GRIK1: variants seen among roughly 807,000 people sequenced by gnomAD.
GRIK1 encodes glutamate receptor ionotropic, kainate 1.
A neutral mutation model predicts 105.7 loss-of-function variants in GRIK1; 69 were observed. That is an observed-to-expected ratio of 0.65 (90% CI 0.54 to 0.80). GRIK1 has a LOEUF of 0.80. Ranked by LOEUF, GRIK1 falls within the 30% of genes least tolerant of loss-of-function variation. GRIK1 has a pLI of 0.00. For synonymous variants in GRIK1, 438 were observed against 431.3 expected, an observed-to-expected ratio of 1.02 and a Z score of -0.19; for missense variants, 1,109 against 1,167.3, an observed-to-expected ratio of 0.95 and a Z score of 0.73.
chr21:29,753,265 T>C (rs371891156), intron 1 of GRIK1, among the ~76,000 whole-genome samples: 6 of 152,254 alleles, frequency 3.9e-5, no homozygotes, highest in African/African-American at 1.4e-4. Context: ...TAATAAAATA[T>C]AATTTGATTG....
intron 3 of GRIK1, among the ~76,000 whole-genome samples, chr21:29,677,668 A>G (rs1350215244): frequency 2.0e-5 from 3 of 152,186 alleles, no homozygotes; most frequent in Non-Finnish European, 4.4e-5. Flanking sequence ...TTTGCTATTT[A>G]GATTGCCCCT....
At chr21:29,892,834 T>TTTTTG (rs1427459980) in intron 1 of GRIK1, among the ~76,000 whole-genome samples, 1 of 152,248 alleles carries the variant, frequency 6.6e-6, no homozygotes, top group East Asian at 1.9e-4. Context: ...AGCAAAGTAT[T>TTTTTG]TTTTGTTTTG....
intron 7 of GRIK1, among the ~76,000 whole-genome samples, chr21:29,623,946 G>C (rs1356411834): frequency 1.3e-5 from 2 of 152,184 alleles, no homozygotes; most frequent in Non-Finnish European, 2.9e-5. Flanking sequence ...TTGACATAAT[G>C]TGGATAATTG....
intron 1 of GRIK1, among the ~76,000 whole-genome samples, chr21:29,874,397 C>T (rs951195528): frequency 1.3e-5 from 2 of 152,182 alleles, no homozygotes; most frequent in African/African-American, 4.8e-5. Flanking sequence ...TTCCTTGTTA[C>T]CTAGGGCGAG....
chr21:29,882,247 T>A (rs2069441679), intron 1 of GRIK1, among the ~76,000 whole-genome samples: 1 of 152,160 alleles, frequency 6.6e-6, no homozygotes, highest in Non-Finnish European at 1.5e-5. Context: ...TTCCATTAAT[T>A]CCATGGTTCC....
At chr21:29,640,949 C>T (rs986252544) in intron 7 of GRIK1, among the ~76,000 whole-genome samples, 1 of 152,034 alleles carries the variant, frequency 6.6e-6, no homozygotes, top group Non-Finnish European at 1.5e-5. Flanking sequence ...GTTGTTGTTG[C>T]CAGTTTGAAA....
At chr21:29,762,557 G>A (rs1186944089) in intron 1 of GRIK1, among the ~76,000 whole-genome samples, 1 of 152,118 alleles carries the variant, frequency 6.6e-6, no homozygotes, top group African/African-American at 2.4e-5. Flanking sequence ...TAGGAAAAGA[G>A]GTAAATAACT....
chr21:29,666,863 C>A (rs191117196), intron 4 of GRIK1, among the ~76,000 whole-genome samples: 2 of 152,312 alleles, frequency 1.3e-5, no homozygotes, highest in African/African-American at 4.8e-5. Flanking sequence ...GAAGAGGTTA[C>A]ATTTTTTTTC....
intron 1 of GRIK1, among the ~76,000 whole-genome samples, chr21:29,709,848 T>C (rs1293784608): frequency 6.6e-6 from 1 of 151,544 alleles, no homozygotes; most frequent in African/African-American, 2.4e-5. Flanking sequence ...ATTTCCTCTT[T>C]ATTATTTTGA....
rs543291652 is a variant in GRIK1, at chr21:29,563,169, G to A, written c.2131-1320C>T. On this transcript the variant is annotated intron_variant, in intron 14 of 17. Coordinates refer to ENST00000327783, the MANE Select transcript of GRIK1 (RefSeq NM_001330994.2). The stretch of plus-strand genomic sequence containing the variant: ...ACAAATCCCTTGGCAGGCACAGGAT[G>A]CACCATCTCCGTAGTTCAGGAAAGC... Among the ~76,000 whole-genome samples, 35 of 152,290 alleles carry A rather than the reference G, an allele frequency of 2.3e-4. 1 individual carries two copies. In the South Asian group the frequency reaches 6.8e-3, roughly 30 times the overall value.
intron 14 of GRIK1, among the ~76,000 whole-genome samples, chr21:29,569,458 T>C (rs1326867379): frequency 6.6e-6 from 1 of 152,206 alleles, no homozygotes; most frequent in African/African-American, 2.4e-5. Flanking sequence ...ATAACTTATA[T>C]GTAGTAGAAC....
intron 1 of GRIK1, among the ~76,000 whole-genome samples, chr21:29,826,934 A>G: frequency 6.6e-6 from 1 of 152,092 alleles, no homozygotes; most frequent in East Asian, 1.9e-4. Context: ...CATGGTACCA[A>G]CATGTCTGAG....
intron 1 of GRIK1, among the ~76,000 whole-genome samples, chr21:29,908,166 A>G (rs1203514089): frequency 6.6e-6 from 1 of 152,190 alleles, no homozygotes; most frequent in African/African-American, 2.4e-5. Flanking sequence ...GCCGAAAAAA[A>G]GAGGAAAAAC....
At chr21:29,800,878 C>T (rs1195725271) in intron 1 of GRIK1, among the ~76,000 whole-genome samples, 1 of 152,122 alleles carries the variant, frequency 6.6e-6, no homozygotes, top group Non-Finnish European at 1.5e-5. Context: ...ACCTGAGTGC[C>T]TGAGGACAGG....
intron 1 of GRIK1, among the ~76,000 whole-genome samples, chr21:29,721,429 A>C (rs2064318586): frequency 6.6e-6 from 1 of 152,090 alleles, no homozygotes; most frequent in Non-Finnish European, 1.5e-5. Context: ...AGCAGGTTAC[A>C]CCCACAGTGG....
rs2069038362 is a variant in GRIK1 at position 29,872,188 on chromosome 21, ACTT to A, written c.118+67192_118+67194del. ...AGCTAATTAAAATATGCACGCTCTC[ACTT>A]CTTTTTTTTTTTTTTTTTTTGAGAC... On this transcript the variant is annotated intron_variant, in intron 1 of 17. Coordinates refer to ENST00000327783, the MANE Select transcript of GRIK1 (RefSeq NM_001330994.2). 3.7e-5 allele frequency among the ~76,000 whole-genome samples: 5 copies of A among 136,682 alleles called. No individual in the cohort carries two copies. In the South Asian group the frequency reaches 1.2e-3, roughly 33 times the overall value. 89.7% of individuals were successfully genotyped at this position (136,682 alleles called of 152,430 possible).
At chr21:29,850,468 A>C (rs2068270144) in intron 1 of GRIK1, among the ~76,000 whole-genome samples, 1 of 152,160 alleles carries the variant, frequency 6.6e-6, no homozygotes, top group South Asian at 2.1e-4. Context: ...CCCTGTACCC[A>C]ATCTCAGATA....
intron 1 of GRIK1, among the ~76,000 whole-genome samples, chr21:29,855,000 A>G (rs1185742335): frequency 1.3e-5 from 2 of 152,248 alleles, no homozygotes; most frequent in Non-Finnish European, 2.9e-5. Context: ...CAAAAAGTAA[A>G]TCATTAGCTG....
chr21:29,655,577 G>A (rs949166423), intron 4 of GRIK1, among the ~76,000 whole-genome samples: 6 of 152,208 alleles, frequency 3.9e-5, no homozygotes, highest in East Asian at 3.9e-4. Flanking sequence ...CCCTCATTAT[G>A]AGTAGAACTC....
Sources: allele counts gnomAD v4.1 joint callset (sites outside exome capture counted in the v4.1 genomes callset), GRCh38; gene constraint gnomAD v4.1.1; transcripts MANE v1.5; gene names NCBI Gene and HGNC (gene_info 2026-07-23, HGNC 2026-07-21).